The following CD2AP variants were observed in gnomAD, a reference collection of about 807,000 sequenced individuals.
CD2AP encodes CD2 associated protein, also known as CD2-associated protein.
Under a neutral mutation model 85.1 loss-of-function variants are expected in CD2AP, and 46 were observed. That is an observed-to-expected ratio of 0.54 (90% CI 0.43 to 0.69). The LOEUF is 0.69. Ranked by LOEUF, CD2AP falls within the 30% of genes least tolerant of loss-of-function variation. The pLI, the probability that CD2AP is intolerant of heterozygous loss-of-function variation, is 0.00. For synonymous variants in CD2AP, 255 were observed against 252.9 expected (o/e 1.01, Z -0.08); for missense variants, 769 against 729.5 (o/e 1.05, Z -0.62).
At chr6:47,497,306 T>TTTTCCTTTCCTTTCCTTTCCTTTCC (rs760711476) in intron 1 of CD2AP, among the ~76,000 whole-genome samples, 1 of 102,656 alleles carries the variant, frequency 9.7e-6, no homozygotes, top group African/African-American at 3.1e-5. Flanking sequence ...CCCGTTCCCT[T>TTTTCCTTTCCTTTCCTTTCCTTTCC]TTTCCTTTCC....
intron 2 of CD2AP, among the ~76,000 whole-genome samples, chr6:47,526,477 TC>T (rs1229390127): frequency 6.6e-6 from 1 of 152,176 alleles, no homozygotes; most frequent in Non-Finnish European, 1.5e-5. Flanking sequence ...TAAGTTGCTT[TC>T]CCCCTTTTAT....
intron 3 of CD2AP, among the ~76,000 whole-genome samples, chr6:47,540,187 AAAAAAAGAAAAAAG>A (rs1456880313): frequency 6.6e-6 from 1 of 151,418 alleles, no homozygotes. Context: ...AAAAAAAAAA[AAAAAAAGAAAAAAG>A]AAAAAATACT....
At chr6:47,522,206 G>A (rs1395203506) in intron 2 of CD2AP, among the ~76,000 whole-genome samples, 1 of 152,164 alleles carries the variant, frequency 6.6e-6, no homozygotes, top group Non-Finnish European at 1.5e-5. Flanking sequence ...AATTTTGCAA[G>A]CGCCAGAGCA....
intron 1 of CD2AP, among the ~76,000 whole-genome samples, chr6:47,499,691 A>C (rs1765952712): frequency 6.6e-6 from 1 of 152,136 alleles, no homozygotes; most frequent in South Asian, 2.1e-4. Flanking sequence ...AATGAATAAA[A>C]AGCTAACTGG....
intron 3 of CD2AP, among the ~76,000 whole-genome samples, chr6:47,540,361 G>A (rs1425622815): frequency 6.6e-6 from 1 of 151,888 alleles, no homozygotes; most frequent in African/African-American, 2.4e-5. Flanking sequence ...AAATCTCAAA[G>A]TGCCCCCTTA....
intron 16 of CD2AP, among the ~76,000 whole-genome samples, chr6:47,611,395 T>C (rs995642140): frequency 2.0e-5 from 3 of 151,462 alleles, no homozygotes; most frequent in Non-Finnish European, 4.4e-5. Flanking sequence ...GGGAATAGGA[T>C]TAAGGAAAGA....
In CD2AP at chr6:47,626,392, A is replaced by G. The variant is rs1013791072; in HGVS notation, c.*2165A>G. 6.6e-6 allele frequency: 1 copy of G among 152,424 alleles called. No homozygotes were observed. Among genetic ancestry groups the G allele is most frequent in the East Asian group, 1.9e-4 (1 of 5,206 alleles). The allele number at this position is 152,424 out of a possible 1,614,324, so 9.4% of individuals were successfully genotyped here. ...ATGGGAAATGTTATTAATTTCTATT[A>G]CTAAAGTTCATATCACAAAATGATA... On this transcript the variant is annotated 3_prime_UTR_variant, in exon 18 of 18. Transcript: ENST00000359314.
At chr6:47,521,424 C>A (rs999849634) in intron 2 of CD2AP, among the ~76,000 whole-genome samples, 1 of 151,788 alleles carries the variant, frequency 6.6e-6, no homozygotes, top group Non-Finnish European at 1.5e-5. Flanking sequence ...TGGTGGCGGG[C>A]GCCTGTAATT....
At chr6:47,513,584 T>C (rs938173811) in intron 2 of CD2AP, among the ~76,000 whole-genome samples, 1 of 152,146 alleles carries the variant, frequency 6.6e-6, no homozygotes, top group African/African-American at 2.4e-5. Flanking sequence ...AGACTGCACA[T>C]ACAGTATTAT....
chr6:47,593,169 T>TA lies in CD2AP; in HGVS notation c.1109-2691dup, dbSNP rs1374134307. Among the ~76,000 whole-genome samples the TA allele has an allele frequency of 4.2e-4, 64 of 152,244 alleles. 1 individual carries two copies. Among genetic ancestry groups the TA allele is most frequent in the Admixed American group, 2.6e-3 (39 of 15,276 alleles). On this transcript the variant is annotated intron_variant, in intron 11 of 17. Coordinates refer to ENST00000359314, the MANE Select transcript of CD2AP (RefSeq NM_012120.3). Reference sequence around the variant, plus strand: ...CCACACATTTGGTGTCTCAGAGTGTTATGAATCTAGAGAAAAGTATTTTGT... The same window carrying TA: ...CCACACATTTGGTGTCTCAGAGTGTTAATGAATCTAGAGAAAAGTATTTTGT...
intron 3 of CD2AP, among the ~76,000 whole-genome samples, chr6:47,543,606 G>A (rs146319198): frequency 2.3e-4 from 35 of 152,234 alleles, no homozygotes; most frequent in Non-Finnish European, 4.6e-4. Flanking sequence ...TTCTCACTTG[G>A]TCTTTCCTTT....
intron 9 of CD2AP, 59 bp downstream of exon 9, chr6:47,579,548 T>C (rs1357170760): frequency 8.9e-7 from 1 of 1,121,170 alleles, no homozygotes; most frequent in Non-Finnish European, 1.4e-6. Flanking sequence ...CACTATTCTT[T>C]TGCAAACAAG....
At chr6:47,591,176 C>T (rs544258946) in intron 11 of CD2AP, among the ~76,000 whole-genome samples, 4 of 152,222 alleles carry the variant, frequency 2.6e-5, no homozygotes, top group South Asian at 2.1e-4. Context: ...CTTAGGATTT[C>T]GTTGACATAA....
chr6:47,503,170 G>T, intron 1 of CD2AP, 110 bp from the exon 2 acceptor site: 1 of 1,026,270 alleles, frequency 9.7e-7, no homozygotes, highest in South Asian at 1.4e-5. Context: ...ATGTCTTTGT[G>T]GTATTAAATA....
intron 11 of CD2AP, among the ~76,000 whole-genome samples, chr6:47,592,468 T>G (rs1768828169): frequency 6.6e-6 from 1 of 152,156 alleles, no homozygotes; most frequent in South Asian, 2.1e-4. Flanking sequence ...TGTGATCTAA[T>G]AAGGAATGTG....
At chr6:47,588,225 G>C (rs1158837900) in intron 11 of CD2AP, among the ~76,000 whole-genome samples, 3 of 151,864 alleles carry the variant, frequency 2.0e-5, no homozygotes, top group Admixed American at 2.0e-4. Flanking sequence ...TTTAAAAGTA[G>C]GTATTTCTCA....
chr6:47,599,255 T>G (rs1451173818), intron 12 of CD2AP, 46 bp from the exon 13 acceptor site: 3 of 1,527,208 alleles, frequency 2.0e-6, no homozygotes, highest in African/African-American at 2.8e-5. Context: ...TAAAAAAAAG[T>G]CGTGTTTCAT....
chr6:47,618,326 A>C (rs1312284947), intron 17 of CD2AP, among the ~76,000 whole-genome samples: 2 of 152,140 alleles, frequency 1.3e-5, no homozygotes, highest in African/African-American at 4.8e-5. Context: ...TCAAAAAAAA[A>C]CGAGTAGTCT....
intron 13 of CD2AP, among the ~76,000 whole-genome samples, chr6:47,601,237 C>T (rs566994103): frequency 7.6e-4 from 115 of 151,954 alleles, no homozygotes; most frequent in African/African-American, 2.7e-3. Context: ...CTGTTATTTA[C>T]TCCCTATATA....
Sources: gnomAD v4.1 joint callset for allele counts (sites outside exome capture counted in the v4.1 genomes callset) on GRCh38, gnomAD v4.1.1 for gene constraint, MANE v1.5 for transcripts, NCBI Gene and HGNC (gene_info 2026-07-23, HGNC 2026-07-21) for gene names.